The following ZNF469 variants were observed in gnomAD, a reference collection of about 807,000 sequenced individuals.
ZNF469 encodes the protein zinc finger protein 469.
In ZNF469, 1 loss-of-function variant was observed where a neutral mutation model predicts 1.0. The ratio of observed to expected loss-of-function variants is 1.00; its 90% CI spans 0.35 to 4.73. The LOEUF is 4.73. ZNF469 is among the 30% of genes most tolerant of loss of function. The pLI, the probability that ZNF469 is intolerant of heterozygous loss-of-function variation, is 0.16. For missense variants in ZNF469, 6,100 were observed against 5,356.3 expected, an observed-to-expected ratio of 1.14 and a Z score of -4.33; for synonymous variants, 2,703 against 2,363.4, an observed-to-expected ratio of 1.14 and a Z score of -4.17.
chr16:88,127,905 G>C, the ZNF469 span, among the ~76,000 whole-genome samples: 3 of 152,354 alleles, frequency 2.0e-5, no homozygotes, highest in African/African-American at 7.2e-5. Flanking sequence ...CAGCCCAACA[G>C]TGAAGATCAA....
the ZNF469 span, among the ~76,000 whole-genome samples, chr16:88,243,268 C>T: frequency 3.9e-5 from 6 of 152,182 alleles, no homozygotes; most frequent in Non-Finnish European, 5.9e-5. Flanking sequence ...CCGTTCACAG[C>T]CTGACAGCAC....
chr16:88,372,849 C>T, the ZNF469 span, among the ~76,000 whole-genome samples: 1 of 151,812 alleles, frequency 6.6e-6, no homozygotes, highest in Non-Finnish European at 1.5e-5. Flanking sequence ...ACCATCACCA[C>T]CATCATCATC....
At chr16:88,164,005 A>G in the ZNF469 span, among the ~76,000 whole-genome samples, 120,346 of 147,634 alleles carry the variant, frequency 0.82, 49,345 homozygotes, top group African/African-American at 0.85. Context: ...GGGTAGATAT[A>G]TGGATGGGTA....
At chr16:88,305,606 G>GCA in the ZNF469 span, among the ~76,000 whole-genome samples, 22 of 141,298 alleles carry the variant, frequency 1.6e-4, no homozygotes, top group Non-Finnish European at 7.7e-5. Flanking sequence ...CCTCACACAT[G>GCA]CACACACACC....
intron 1 of ZNF469, among the ~76,000 whole-genome samples, chr16:88,397,770 G>A (rs958927178): frequency 5.3e-5 from 8 of 152,274 alleles, no homozygotes; most frequent in African/African-American, 1.2e-4. Context: ...TCATTCGAAC[G>A]AAGGTGTCAA....
At chr16:88,274,351 A>G in the ZNF469 span, among the ~76,000 whole-genome samples, 1 of 152,254 alleles carries the variant, frequency 6.6e-6, no homozygotes, top group African/African-American at 2.4e-5. Context: ...AATGCCGGAA[A>G]CGTGTTTGAT....
At chr16:88,196,222 A>C in the ZNF469 span, among the ~76,000 whole-genome samples, 1 of 152,168 alleles carries the variant, frequency 6.6e-6, no homozygotes, top group African/African-American at 2.4e-5. Flanking sequence ...TCGGGACAGC[A>C]TCTACCTTTG....
the ZNF469 span, among the ~76,000 whole-genome samples, chr16:88,331,632 C>G: frequency 6.6e-6 from 1 of 151,016 alleles, no homozygotes; most frequent in African/African-American, 2.4e-5. Context: ...ACTATTGTTA[C>G]CACCGCCATC....
At chr16:88,370,661 G>T in the ZNF469 span, among the ~76,000 whole-genome samples, 1 of 152,284 alleles carries the variant, frequency 6.6e-6, no homozygotes, top group East Asian at 1.9e-4. Context: ...TCCTGGGGCT[G>T]CTGTCACAAA....
rs1295637828 is a variant in ZNF469 at position 88,431,982 on chromosome 16, T to C, written c.4512T>C (p.Leu1504=). 1.3e-6 allele frequency: 2 copies of C among 1,549,712 alleles called. No homozygotes were observed. The highest frequency in any genetic ancestry group is 2.0e-5 in the Admixed American group (1 of 51,002). Residue 1504 remains leucine (L), a synonymous_variant, in exon 3 of 3, where the codon CTT becomes CTC. Transcript: ENST00000565624. ...SDPPYPSFLL[L]EEVSPMLPSH... Reference sequence around the variant, plus strand: ...CACCGTACCCCTCTTTTTTGCTGCTTGAGGAAGTATCCCCGATGCTGCCTA... The same window carrying C: ...CACCGTACCCCTCTTTTTTGCTGCTCGAGGAAGTATCCCCGATGCTGCCTA...
chr16:88,197,653 A>G, the ZNF469 span, among the ~76,000 whole-genome samples: 1 of 152,306 alleles, frequency 6.6e-6, no homozygotes, highest in East Asian at 1.9e-4. Context: ...CCAGAGTCTG[A>G]CAGCCACCCA....
At chr16:88,215,476 G>T in the ZNF469 span, among the ~76,000 whole-genome samples, 1 of 127,060 alleles carries the variant, frequency 7.9e-6, no homozygotes. Flanking sequence ...TGCAACCTCC[G>T]CCTCCAGGGT....
upstream of ZNF469, among the ~76,000 whole-genome samples, chr16:88,380,284 C>T (rs1599339479): frequency 1.8e-5 from 1 of 54,294 alleles, no homozygotes; most frequent in Non-Finnish European, 2.7e-5. Flanking sequence ...CCCAGACATG[C>T]ACACACACAC....
chr16:88,314,152 CTG>C, the ZNF469 span, among the ~76,000 whole-genome samples: 14 of 133,804 alleles, frequency 1.0e-4, 1 homozygote, highest in Admixed American at 2.9e-4. Context: ...ACTGTCATCT[CTG>C]TAATTCAGGC....
At chr16:88,390,122 C>T (rs1228501035) in intron 1 of ZNF469, among the ~76,000 whole-genome samples, 1 of 152,184 alleles carries the variant, frequency 6.6e-6, no homozygotes, top group African/African-American at 2.4e-5. Flanking sequence ...ACACTGGCTC[C>T]GAACTGACAC....
chr16:88,221,979 C>T, the ZNF469 span, among the ~76,000 whole-genome samples: 1 of 152,046 alleles, frequency 6.6e-6, no homozygotes, highest in South Asian at 2.1e-4. Context: ...ACCCTTTTTC[C>T]AGATGAGGCC....
the ZNF469 span, among the ~76,000 whole-genome samples, chr16:88,157,026 C>G: frequency 6.6e-6 from 1 of 152,240 alleles, no homozygotes; most frequent in Admixed American, 6.5e-5. Context: ...AGATGGGCCT[C>G]GGTGCCGGGG....
chr16:88,115,028 C>A, the ZNF469 span, among the ~76,000 whole-genome samples: 1 of 152,198 alleles, frequency 6.6e-6, no homozygotes, highest in African/African-American at 2.4e-5. Flanking sequence ...AAAACAACCA[C>A]CAACCCTCCA....
the ZNF469 span, among the ~76,000 whole-genome samples, chr16:88,236,484 C>A: frequency 2.6e-5 from 4 of 152,260 alleles, no homozygotes; most frequent in African/African-American, 9.6e-5. Flanking sequence ...CCCCCACTTC[C>A]CATCACAGCC....
Sources: gnomAD v4.1 joint callset for allele counts (sites outside exome capture counted in the v4.1 genomes callset) on GRCh38, gnomAD v4.1.1 for gene constraint, MANE v1.5 for transcripts, NCBI Gene and HGNC (gene_info 2026-07-23, HGNC 2026-07-21) for gene names.